The following MAPRE3 variants were observed in gnomAD, a reference collection of about 807,000 sequenced individuals.
MAPRE3 encodes the protein microtubule-associated protein RP/EB family member 3.
Under a neutral mutation model 30.5 loss-of-function variants are expected in MAPRE3, and 2 were observed. The ratio of observed to expected loss-of-function variants is 0.07; its 90% CI spans 0.03 to 0.21. The LOEUF is 0.21. Among genes scored for constraint, MAPRE3 ranks in the 10% least tolerant of loss-of-function variants. The pLI is 1.00. For missense variants in MAPRE3, 204 were observed against 351.8 expected, an observed-to-expected ratio of 0.58 and a Z score of 3.36; for synonymous variants, 110 against 127.7, an observed-to-expected ratio of 0.86 and a Z score of 0.93.
chr2:26,978,769 C>T (rs572519528), intron 1 of MAPRE3, among the ~76,000 whole-genome samples: 1 of 152,310 alleles, frequency 6.6e-6, no homozygotes, highest in East Asian at 1.9e-4. Context: ...TCATCAAGCC[C>T]TTTCTCTGTT....
chr2:26,991,259 A>T (rs1270452234), intron 1 of MAPRE3, among the ~76,000 whole-genome samples: 3 of 152,184 alleles, frequency 2.0e-5, no homozygotes, highest in Admixed American at 1.3e-4. Flanking sequence ...ATCCCAAAAA[A>T]AAAGAGATCC....
chr2:26,973,746 G>T (rs1038098159), intron 1 of MAPRE3, among the ~76,000 whole-genome samples: 1 of 151,724 alleles, frequency 6.6e-6, no homozygotes, highest in East Asian at 1.9e-4. Flanking sequence ...TAGTAGAGAC[G>T]GGGTTTCACC....
chr2:27,007,523 A>G (rs1666758246), intron 1 of MAPRE3, among the ~76,000 whole-genome samples: 2 of 152,220 alleles, frequency 1.3e-5, no homozygotes, highest in African/African-American at 2.4e-5. Flanking sequence ...TCCCTTTGAA[A>G]ACCTTATGCC....
rs1321477032 is a variant in MAPRE3 at position 26,989,304 on chromosome 2, A to G, written c.-8+18502A>G. ...TCCCTGTTTAGTTGTGGTCAGGGAA[A>G]GAAATGACTCGTCTCTGCATGAGCT... On this transcript the variant is annotated intron_variant, in intron 1 of 6. Transcript: ENST00000233121. Among the ~76,000 whole-genome samples the G allele has an allele frequency of 3.3e-5, 5 of 152,222 alleles. No individual in the cohort carries two copies. In the East Asian group the frequency reaches 9.6e-4, roughly 29 times the overall value.
chr2:27,022,529 G>A, intron 2 of MAPRE3, 190 bp downstream of exon 2: 1 of 709,630 alleles, frequency 1.4e-6, no homozygotes, highest in Admixed American at 3.0e-5. Context: ...AAACCTGGAT[G>A]GTGTAGCCTA....
chr2:26,987,890 G>A (rs949706882), intron 1 of MAPRE3, among the ~76,000 whole-genome samples: 1 of 152,184 alleles, frequency 6.6e-6, no homozygotes, highest in African/African-American at 2.4e-5. Flanking sequence ...AAACTTGCCA[G>A]ATAATTAATG....
intron 1 of MAPRE3, among the ~76,000 whole-genome samples, chr2:27,020,948 CTG>C (rs1014104541): frequency 6.6e-6 from 1 of 152,126 alleles, no homozygotes; most frequent in Non-Finnish European, 1.5e-5. Context: ...GGATCCACAT[CTG>C]TGGATTCAAT....
intron 1 of MAPRE3, among the ~76,000 whole-genome samples, chr2:26,996,654 G>A (rs1473381832): frequency 2.6e-5 from 4 of 152,136 alleles, no homozygotes; most frequent in South Asian, 2.1e-4. Flanking sequence ...GCCGGGCGCC[G>A]TGGTGGGCGC....
intron 1 of MAPRE3, among the ~76,000 whole-genome samples, chr2:26,972,932 T>C (rs1665942887): frequency 1.3e-5 from 2 of 152,226 alleles, no homozygotes; most frequent in Admixed American, 6.5e-5. Flanking sequence ...ACTTGTCTTA[T>C]ACATTGCCTA....
At chr2:26,982,589 TG>T (rs1373593420) in intron 1 of MAPRE3, among the ~76,000 whole-genome samples, 1 of 152,224 alleles carries the variant, frequency 6.6e-6, no homozygotes, top group Non-Finnish European at 1.5e-5. Context: ...GTGTTGCCTG[TG>T]GAATTAAATG....
chr2:26,981,595 G>A (rs1024299565), intron 1 of MAPRE3, among the ~76,000 whole-genome samples: 1 of 152,134 alleles, frequency 6.6e-6, no homozygotes, highest in African/African-American at 2.4e-5. Context: ...TTTCTTAAAG[G>A]AATATTTGAA....
At chr2:27,010,480 T>C (rs1666829221) in intron 1 of MAPRE3, among the ~76,000 whole-genome samples, 1 of 151,010 alleles carries the variant, frequency 6.6e-6, no homozygotes, top group Non-Finnish European at 1.5e-5. Context: ...TCACTCTTTG[T>C]TGCCCAGGCT....
chr2:26,973,198 G>A (rs1406812713), intron 1 of MAPRE3, among the ~76,000 whole-genome samples: 1 of 152,144 alleles, frequency 6.6e-6, no homozygotes, highest in Non-Finnish European at 1.5e-5. Context: ...CTTGAGGGAG[G>A]GATTTGTGAA....
At chr2:26,972,240 G>A (rs888527684) in intron 1 of MAPRE3, among the ~76,000 whole-genome samples, 1 of 152,184 alleles carries the variant, frequency 6.6e-6, no homozygotes, top group Non-Finnish European at 1.5e-5. Context: ...TAAAAGGAAC[G>A]CATGGTCCAT....
chr2:26,973,546 G>GTT (rs68169162), intron 1 of MAPRE3, among the ~76,000 whole-genome samples: 27 of 122,292 alleles, frequency 2.2e-4, no homozygotes, highest in South Asian at 2.8e-4. Flanking sequence ...AGAAAATATA[G>GTT]TTTTTTTTTT....
chr2:27,020,058 A>G (rs190022722), intron 1 of MAPRE3, among the ~76,000 whole-genome samples: 3 of 152,300 alleles, frequency 2.0e-5, no homozygotes, highest in African/African-American at 4.8e-5. Context: ...TGATCCCCAT[A>G]TAGTCCCACT....
intron 1 of MAPRE3, among the ~76,000 whole-genome samples, chr2:27,016,867 G>A (rs935240869): frequency 6.6e-6 from 1 of 152,114 alleles, no homozygotes; most frequent in African/African-American, 2.4e-5. Context: ...GGTTTTAGGG[G>A]ATACGGAGGC....
chr2:27,024,422 C>T (rs953501171), intron 4 of MAPRE3, 125 bp downstream of exon 4: 8 of 820,898 alleles, frequency 9.7e-6, no homozygotes, highest in East Asian at 5.3e-5. Context: ...TCACGGAGTT[C>T]GGATGACGCC....
chr2:27,005,322 A>G (rs980359519), intron 1 of MAPRE3, among the ~76,000 whole-genome samples: 1 of 152,226 alleles, frequency 6.6e-6, no homozygotes, highest in African/African-American at 2.4e-5. Flanking sequence ...ATCCTTAATT[A>G]TTCTTTGAAG....
Sources: allele counts gnomAD v4.1 joint callset (sites outside exome capture counted in the v4.1 genomes callset), GRCh38; gene constraint gnomAD v4.1.1; transcripts MANE v1.5; gene names NCBI Gene and HGNC (gene_info 2026-07-23, HGNC 2026-07-21).